RICTOR: variants seen among roughly 807,000 people sequenced by gnomAD.
RICTOR encodes RPTOR independent companion of MTOR complex 2, also known as rapamycin-insensitive companion of mTOR.
In RICTOR, 49 loss-of-function variants were observed where a neutral mutation model predicts 214.9. That is an observed-to-expected ratio of 0.23 (90% CI 0.18 to 0.29). The LOEUF is 0.29. Among genes scored for constraint, RICTOR ranks in the 10% least tolerant of loss-of-function variants. RICTOR has a pLI of 1.00. For synonymous variants in RICTOR, 717 were observed against 711.3 expected, an observed-to-expected ratio of 1.01 and a Z score of -0.13; for missense variants, 1,625 against 2,047.0, an observed-to-expected ratio of 0.79 and a Z score of 3.98.
intron 7 of RICTOR, among the ~76,000 whole-genome samples, chr5:38,986,492 T>A (rs1752182313): frequency 6.6e-6 from 1 of 152,170 alleles, no homozygotes; most frequent in Non-Finnish European, 1.5e-5. Flanking sequence ...AATTTAATGA[T>A]GAAGAAAAGT....
intron 10 of RICTOR, among the ~76,000 whole-genome samples, chr5:38,973,238 G>C (rs985507104): frequency 7.9e-5 from 12 of 152,146 alleles, no homozygotes; most frequent in Admixed American, 7.9e-4. Context: ...CTAATGATGT[G>C]TGCATTTCAC....
At chr5:38,985,815 C>T (rs1321359632) in intron 7 of RICTOR, among the ~76,000 whole-genome samples, 2 of 152,118 alleles carry the variant, frequency 1.3e-5, no homozygotes, top group Non-Finnish European at 2.9e-5. Context: ...CCTGCTTCAG[C>T]CTCCCGAGTA....
At chr5:39,067,942 C>T (rs1443898263) in intron 2 of RICTOR, among the ~76,000 whole-genome samples, 1 of 152,146 alleles carries the variant, frequency 6.6e-6, no homozygotes, top group Non-Finnish European at 1.5e-5. Context: ...CTGGGGGAAG[C>T]GGATGTTAAA....
At chr5:39,046,169 G>GT (rs1757485012) in intron 2 of RICTOR, among the ~76,000 whole-genome samples, 1 of 151,200 alleles carries the variant, frequency 6.6e-6, no homozygotes, top group Non-Finnish European at 1.5e-5. Flanking sequence ...TAAGAGCACT[G>GT]TAAGACTCCT....
intron 10 of RICTOR, among the ~76,000 whole-genome samples, chr5:38,973,504 A>AT (rs1402383069): frequency 6.6e-6 from 1 of 152,072 alleles, no homozygotes; most frequent in Non-Finnish European, 1.5e-5. Flanking sequence ...AGTTTTTTCA[A>AT]TTTTTCTGTA....
At chr5:39,069,429 A>G (rs1441407848) in intron 2 of RICTOR, among the ~76,000 whole-genome samples, 1 of 152,232 alleles carries the variant, frequency 6.6e-6, no homozygotes, top group South Asian at 2.1e-4. Context: ...TTAGTTCTAC[A>G]AAGAATCTTG....
chr5:38,990,683 T>TCA (rs1580018105), intron 7 of RICTOR, among the ~76,000 whole-genome samples: 1 of 102,510 alleles, frequency 9.8e-6, no homozygotes, highest in African/African-American at 3.7e-5. Context: ...ATCAGATATA[T>TCA]CATATATATG....
intron 7 of RICTOR, among the ~76,000 whole-genome samples, chr5:38,990,521 T>TACACG (rs1339896922): frequency 0.24 from 34,937 of 144,528 alleles, 4,813 homozygotes; most frequent in Middle Eastern, 0.27. Context: ...ACACGATATA[T>TACACG]ATACGATATA....
At chr5:39,042,990 A>G (rs1327175571) in intron 2 of RICTOR, among the ~76,000 whole-genome samples, 1 of 152,156 alleles carries the variant, frequency 6.6e-6, no homozygotes, top group East Asian at 1.9e-4. Context: ...ATGTGGAAAA[A>G]GGGGAATTCA....
At chr5:39,054,760 T>C (rs1367048457) in intron 2 of RICTOR, among the ~76,000 whole-genome samples, 1 of 152,238 alleles carries the variant, frequency 6.6e-6, no homozygotes, top group African/African-American at 2.4e-5. Context: ...CTCTATGTTA[T>C]ATACTCATTA....
At chr5:39,059,656 C>T (rs1758413704) in intron 2 of RICTOR, among the ~76,000 whole-genome samples, 1 of 151,974 alleles carries the variant, frequency 6.6e-6, no homozygotes, top group Non-Finnish European at 1.5e-5. Context: ...TGTGTCATGC[C>T]TTTATTTATG....
At chr5:38,990,630 T>TATCAG (rs1173913179) in intron 7 of RICTOR, among the ~76,000 whole-genome samples, 3 of 78,832 alleles carry the variant, frequency 3.8e-5, no homozygotes, top group Non-Finnish European at 8.2e-5. Flanking sequence ...ATATGATATA[T>TATCAG]ATATCTGACA....
chr5:38,942,903 G>T lies in RICTOR; in HGVS notation c.4982C>A (p.Ser1661Ter). ...ACACGGAAGTCTGAATGTGCAGTGT[G>T]ACAGCAAATGGGAAACCTCAGAGTA... Reference protein sequence around the residue: ...CLYSEVSHLLSHCTFRLPCRR... With the variant: ...CLYSEVSHLL Residue 1661 changes from serine to a stop codon, truncating the protein, a stop_gained, in exon 37 of 38, where the codon TCA becomes TAA. Coordinates refer to ENST00000357387, the MANE Select transcript of RICTOR (RefSeq NM_152756.5). LOFTEE classifies it high-confidence loss of function. 6.2e-7 allele frequency: 1 copy of T among 1,606,196 alleles called. No homozygotes were observed. The highest frequency in any genetic ancestry group is 8.5e-7 in the Non-Finnish European group (1 of 1,172,762).
chr5:38,990,526 GAT>G (rs1491100053), intron 7 of RICTOR, among the ~76,000 whole-genome samples: 17 of 137,014 alleles, frequency 1.2e-4, no homozygotes, highest in Middle Eastern at 3.8e-3. Flanking sequence ...ATATATATAC[GAT>G]ATATATACGA....
At chr5:39,071,628 A>T (rs564167118) in intron 2 of RICTOR, among the ~76,000 whole-genome samples, 2 of 152,310 alleles carry the variant, frequency 1.3e-5, no homozygotes, top group South Asian at 4.1e-4. Flanking sequence ...ACTTGCCCCA[A>T]ATCACCCAAC....
At chr5:38,999,048 A>C (rs990440981) in intron 5 of RICTOR, among the ~76,000 whole-genome samples, 19 of 148,896 alleles carry the variant, frequency 1.3e-4, no homozygotes, top group East Asian at 7.9e-4. Flanking sequence ...AAAAAAAAAA[A>C]AAACAAACCT....
At chr5:39,069,711 A>G (rs1287949350) in intron 2 of RICTOR, among the ~76,000 whole-genome samples, 1 of 152,204 alleles carries the variant, frequency 6.6e-6, no homozygotes, top group Non-Finnish European at 1.5e-5. Flanking sequence ...AGCCAACGCC[A>G]TGGTCCAGTC....
At chr5:39,035,229 G>A (rs989890098) in intron 2 of RICTOR, among the ~76,000 whole-genome samples, 5 of 152,122 alleles carry the variant, frequency 3.3e-5, no homozygotes, top group African/African-American at 1.2e-4. Context: ...AGTGGACCTC[G>A]GGCGAACTCC....
intron 2 of RICTOR, among the ~76,000 whole-genome samples, chr5:39,029,833 C>A (rs1055473583): frequency 3.3e-5 from 5 of 152,120 alleles, no homozygotes; most frequent in Non-Finnish European, 7.4e-5. Context: ...AACAGCTACT[C>A]AATAAATAAT....
Sources: gnomAD v4.1 joint callset for allele counts (sites outside exome capture counted in the v4.1 genomes callset) on GRCh38, gnomAD v4.1.1 for gene constraint, MANE v1.5 for transcripts, NCBI Gene and HGNC (gene_info 2026-07-23, HGNC 2026-07-21) for gene names.